Variants in MRTFA observed in about 807,000 individuals in gnomAD.
MRTFA encodes the protein myocardin related transcription factor A, also known as myocardin-related transcription factor A.
A neutral mutation model predicts 83.5 loss-of-function variants in MRTFA; 20 were observed. The ratio of observed to expected loss-of-function variants is 0.24; its 90% confidence interval spans 0.17 to 0.35. MRTFA has a LOEUF of 0.35. Ranked by LOEUF, MRTFA falls within the 10% of genes least tolerant of loss-of-function variation. The pLI is 1.00. For synonymous variants in MRTFA, 659 were observed against 541.2 expected, an observed-to-expected ratio of 1.22 and a Z score of -3.02; for missense variants, 1,200 against 1,224.7, an observed-to-expected ratio of 0.98 and a Z score of 0.30.
chr22:40,613,039 T>C (rs1818944429), intron 1 of MRTFA, among the ~76,000 whole-genome samples: 1 of 152,212 alleles, frequency 6.6e-6, no homozygotes, highest in Admixed American at 6.5e-5. Context: ...ACTGATCTAA[T>C]TTCTATGACT....
intron 3 of MRTFA, among the ~76,000 whole-genome samples, chr22:40,513,564 G>A (rs966845181): frequency 1.1e-4 from 16 of 145,194 alleles, no homozygotes; most frequent in Non-Finnish European, 1.8e-4. Context: ...TCACACCATT[G>A]CACTGCAGCC....
chr22:40,549,834 C>T (rs2055418211), intron 3 of MRTFA, among the ~76,000 whole-genome samples: 1 of 152,080 alleles, frequency 6.6e-6, no homozygotes, highest in Non-Finnish European at 1.5e-5. Context: ...GGCAGATCAC[C>T]TGAGGCCAGG....
intron 2 of MRTFA, among the ~76,000 whole-genome samples, chr22:40,558,897 T>C (rs2147324508): frequency 6.6e-6 from 1 of 151,728 alleles, no homozygotes; most frequent in South Asian, 2.1e-4. Context: ...GTGATTCTCA[T>C]GTCTCAGCCT....
At chr22:40,432,639 G>A (rs974159032) in intron 5 of MRTFA, among the ~76,000 whole-genome samples, 1 of 151,246 alleles carries the variant, frequency 6.6e-6, no homozygotes, top group African/African-American at 2.4e-5. Flanking sequence ...AAGCCTCAGA[G>A]GACATTATAT....
In MRTFA at chr22:40,429,868, T is replaced by G. The variant is rs2053032716; in HGVS notation, c.440-101A>C. 5.7e-6 allele frequency: 7 copies of G among 1,232,390 alleles called. No homozygotes were observed. In the Admixed American group the frequency reaches 1.6e-4, roughly 28 times the overall value. 76.3% of individuals were successfully genotyped at this position (1,232,390 alleles called of 1,614,324 possible). A position where few individuals can be genotyped will look rare whatever the true frequency, so the allele number is the denominator to read the frequency against. On this transcript the variant is annotated intron_variant, in intron 6 of 14. Transcript: ENST00000355630. Reference sequence around the variant, plus strand: ...TCTCCTTCCTCCTGGGCAAGAGGAGTGACTGTCAGAACGGTAAGCATATTC... The same window carrying G: ...TCTCCTTCCTCCTGGGCAAGAGGAGGGACTGTCAGAACGGTAAGCATATTC...
At chr22:40,574,495 C>T (rs993570601) in intron 2 of MRTFA, among the ~76,000 whole-genome samples, 2 of 150,750 alleles carry the variant, frequency 1.3e-5, no homozygotes, top group Admixed American at 6.6e-5. Flanking sequence ...AGTGCAGTGG[C>T]GTGATCTCGG....
chr22:40,598,568 C>T (rs2056218982), intron 1 of MRTFA, among the ~76,000 whole-genome samples: 1 of 152,094 alleles, frequency 6.6e-6, no homozygotes, highest in Non-Finnish European at 1.5e-5. Context: ...ATTTATTCTA[C>T]TACATACTAC....
chr22:40,578,719 C>T (rs1056448656), intron 2 of MRTFA, among the ~76,000 whole-genome samples: 2 of 151,884 alleles, frequency 1.3e-5, no homozygotes, highest in African/African-American at 2.4e-5. Flanking sequence ...CCTAGGAGTT[C>T]GAGAAACATG....
chr22:40,616,840 G>A, intron 1 of MRTFA, among the ~76,000 whole-genome samples: 1 of 152,142 alleles, frequency 6.6e-6, no homozygotes, highest in Non-Finnish European at 1.5e-5. Flanking sequence ...GCTCACGTCT[G>A]TAATCCCAGC....
intron 3 of MRTFA, among the ~76,000 whole-genome samples, chr22:40,485,457 T>C (rs2054160258): frequency 6.6e-6 from 1 of 151,844 alleles, no homozygotes; most frequent in East Asian, 1.9e-4. Flanking sequence ...GAGACTCCAA[T>C]GGTGTGTGAA....
At chr22:40,532,152 A>G (rs560643034) in intron 3 of MRTFA, among the ~76,000 whole-genome samples, 2 of 152,372 alleles carry the variant, frequency 1.3e-5, no homozygotes, top group South Asian at 4.1e-4. Flanking sequence ...AAGCAAGACA[A>G]GAAAATATTA....
chr22:40,526,026 T>A (rs1181996206), intron 3 of MRTFA, among the ~76,000 whole-genome samples: 1 of 152,096 alleles, frequency 6.6e-6, no homozygotes, highest in African/African-American at 2.4e-5. Context: ...ACTTTTTTTT[T>A]TTTTTAAGAG....
rs776341286 is a variant in MRTFA, at chr22:40,418,655, G to A, written c.2083C>T (p.His695Tyr). The change falls in exon 12 of 15, where the codon CAC (histidine) becomes TAC (tyrosine). Residue 695 changes from histidine to tyrosine, a missense_variant. His to Tyr is a moderately conservative substitution (Grantham distance 83, BLOSUM62 2). This residue lies in a region of MRTFA where 1,107 missense variants were observed against 1,041.8 expected (regional missense o/e 1.06). Coordinates refer to ENST00000355630, the MANE Select transcript of MRTFA (RefSeq NM_020831.6). Reference sequence around the variant, plus strand: ...GCCGCCAGGCTGGGGTTGAATGGGTGAGCGGGGCCCAGGGGCTGCTGGCTC... The same window carrying A: ...GCCGCCAGGCTGGGGTTGAATGGGTAAGCGGGGCCCAGGGGCTGCTGGCTC... The A allele has an allele frequency of 2.2e-5, 33 of 1,529,726 alleles. No homozygotes were observed. Among genetic ancestry groups the A allele is most frequent in the Non-Finnish European group, 2.7e-5 (31 of 1,147,022 alleles). The allele number at this position is 1,529,726 out of a possible 1,614,324, so 94.8% of individuals were successfully genotyped here. A position where few individuals can be genotyped will look rare whatever the true frequency, so the allele number is the denominator to read the frequency against.
intron 5 of MRTFA, among the ~76,000 whole-genome samples, chr22:40,432,339 TG>T (rs1241482636): frequency 3.3e-5 from 5 of 152,202 alleles, no homozygotes; most frequent in Non-Finnish European, 5.9e-5. Flanking sequence ...TCATTTTGAA[TG>T]GCTGCCAAAT....
At chr22:40,579,679 G>A (rs1471005456) in intron 2 of MRTFA, among the ~76,000 whole-genome samples, 2 of 152,072 alleles carry the variant, frequency 1.3e-5, no homozygotes, top group Non-Finnish European at 2.9e-5. Context: ...GGCCAACATG[G>A]TGAAACCCCG....
At chr22:40,542,165 C>A (rs1323145718) in intron 3 of MRTFA, among the ~76,000 whole-genome samples, 5 of 152,114 alleles carry the variant, frequency 3.3e-5, no homozygotes, top group Admixed American at 6.5e-5. Context: ...TCTTCCAGTT[C>A]CTTTGTGACA....
chr22:40,520,866 TTGTC>T (rs1252867753), intron 3 of MRTFA, among the ~76,000 whole-genome samples: 1 of 152,174 alleles, frequency 6.6e-6, no homozygotes, highest in Non-Finnish European at 1.5e-5. Flanking sequence ...CTATGAACAT[TTGTC>T]TGTGTAAAAA....
chr22:40,633,349 C>T (rs1183602077), intron 1 of MRTFA, among the ~76,000 whole-genome samples: 3 of 152,168 alleles, frequency 2.0e-5, no homozygotes, highest in African/African-American at 7.2e-5. Flanking sequence ...AACAAATATC[C>T]TCACCCCTGG....
At chr22:40,556,406 T>C (rs1327225934) in intron 2 of MRTFA, among the ~76,000 whole-genome samples, 1 of 152,008 alleles carries the variant, frequency 6.6e-6, no homozygotes, top group African/African-American at 2.4e-5. Context: ...GAAAATAAAC[T>C]GGACTGGAAA....
Sources: allele counts gnomAD v4.1 joint callset (sites outside exome capture counted in the v4.1 genomes callset), GRCh38; gene constraint gnomAD v4.1.1; regional missense constraint gnomAD v4.1.1; transcripts MANE v1.5; gene names NCBI Gene and HGNC (gene_info 2026-07-23, HGNC 2026-07-21).